The following OXR1 variants were observed in gnomAD, a reference collection of about 807,000 sequenced individuals.
OXR1 encodes oxidation resistance protein 1.
OXR1 carries 41 observed loss-of-function variants against 104.6 expected under a neutral mutation model. The ratio of observed to expected loss-of-function variants is 0.39; its 90% CI spans 0.31 to 0.51. OXR1 has a LOEUF of 0.51. Ranked by LOEUF, OXR1 falls within the 20% of genes least tolerant of loss-of-function variation. The pLI, the probability that OXR1 is intolerant of heterozygous loss-of-function variation, is 0.77. For synonymous variants in OXR1, 348 were observed against 348.4 expected, an observed-to-expected ratio of 1.00 and a Z score of 0.01; for missense variants, 955 against 1,031.9, an observed-to-expected ratio of 0.93 and a Z score of 1.02.
chr8:106,571,463 T>C (rs370898870), intron 3 of OXR1, among the ~76,000 whole-genome samples: 1 of 152,146 alleles, frequency 6.6e-6, no homozygotes, highest in East Asian at 1.9e-4. Flanking sequence ...GATTCCTTCC[T>C]TAAATACCAT....
At chr8:106,741,396 A>G (rs566727519) in intron 14 of OXR1, among the ~76,000 whole-genome samples, 1 of 152,256 alleles carries the variant, frequency 6.6e-6, no homozygotes, top group African/African-American at 2.4e-5. Flanking sequence ...AAGCACAAAG[A>G]GAGCTTCTAG....
chr8:106,649,886 C>T (rs1159118329), intron 3 of OXR1, among the ~76,000 whole-genome samples: 3 of 152,068 alleles, frequency 2.0e-5, no homozygotes, highest in Admixed American at 6.5e-5. Flanking sequence ...TTAGTAGAGA[C>T]AGGGTTTCAC....
chr8:106,340,593 T>G (rs1815202229), intron 1 of OXR1, among the ~76,000 whole-genome samples: 1 of 152,180 alleles, frequency 6.6e-6, no homozygotes, highest in Non-Finnish European at 1.5e-5. Context: ...TAATATTATA[T>G]ATCCCTGTTA....
intron 2 of OXR1, among the ~76,000 whole-genome samples, chr8:106,505,564 G>T (rs905158770): frequency 3.3e-5 from 5 of 152,146 alleles, no homozygotes; most frequent in African/African-American, 1.2e-4. Context: ...GTAACCTGGG[G>T]TGAAGTGGGA....
At chr8:106,469,034 TTGTGTG>T (rs201426595) in intron 2 of OXR1, among the ~76,000 whole-genome samples, 1 of 130,030 alleles carries the variant, frequency 7.7e-6, no homozygotes, top group East Asian at 2.6e-4. Context: ...GTTGTTGTTG[TTGTGTG>T]TGTGTGTAGT....
intron 3 of OXR1, among the ~76,000 whole-genome samples, chr8:106,576,135 C>T (rs187175442): frequency 1.3e-5 from 2 of 151,884 alleles, no homozygotes; most frequent in Admixed American, 6.6e-5. Context: ...ATTATTTTTA[C>T]AAGAACTTTT....
intron 1 of OXR1, among the ~76,000 whole-genome samples, chr8:106,316,233 T>A (rs2130156477): frequency 6.6e-6 from 1 of 152,318 alleles, no homozygotes; most frequent in Admixed American, 6.5e-5. Flanking sequence ...AGGGTACACT[T>A]CAAAAATACA....
intron 3 of OXR1, among the ~76,000 whole-genome samples, chr8:106,631,071 C>T (rs1356282708): frequency 6.6e-6 from 1 of 151,932 alleles, no homozygotes; most frequent in East Asian, 1.9e-4. Context: ...TAAGAAAGAC[C>T]AACAATATGT....
intron 1 of OXR1, among the ~76,000 whole-genome samples, chr8:106,344,423 C>T (rs113122380): frequency 8.1e-4 from 124 of 152,256 alleles, no homozygotes; most frequent in African/African-American, 2.8e-3. Flanking sequence ...CTGCAACCTC[C>T]GCCTCCCATG....
At chr8:106,613,583 G>A (rs574275726) in intron 3 of OXR1, among the ~76,000 whole-genome samples, 3 of 152,290 alleles carry the variant, frequency 2.0e-5, no homozygotes, top group Non-Finnish European at 4.4e-5. Context: ...ATTTTTAGTA[G>A]AGACAGAGTT....
chr8:106,697,984 A>G, intron 7 of OXR1: 1 of 1,613,056 alleles, frequency 6.2e-7, no homozygotes, highest in South Asian at 1.1e-5. Flanking sequence ...CTCCTGGCTC[A>G]GGCCATAATG....
chr8:106,710,300 A>ATG (rs1046464145), intron 9 of OXR1, among the ~76,000 whole-genome samples: 3 of 147,966 alleles, frequency 2.0e-5, no homozygotes, highest in African/African-American at 4.9e-5. Context: ...TATATATATT[A>ATG]TGTGTGTGTA....
intron 3 of OXR1, among the ~76,000 whole-genome samples, chr8:106,638,054 C>T (rs181093994): frequency 1.7e-4 from 26 of 152,190 alleles, no homozygotes; most frequent in African/African-American, 5.1e-4. Flanking sequence ...CGTGAGCCAC[C>T]GTGCCTGGCC....
At chr8:106,325,692 C>T (rs923918496) in intron 1 of OXR1, among the ~76,000 whole-genome samples, 1 of 152,106 alleles carries the variant, frequency 6.6e-6, no homozygotes, top group Non-Finnish European at 1.5e-5. Flanking sequence ...CATTTATTTA[C>T]TTGATTTATA....
intron 3 of OXR1, among the ~76,000 whole-genome samples, chr8:106,627,894 G>A (rs183427417): frequency 2.0e-3 from 301 of 152,264 alleles, no homozygotes; most frequent in African/African-American, 6.8e-3. Context: ...CCCTTCTGCA[G>A]GTCTGTATGA....
intron 3 of OXR1, among the ~76,000 whole-genome samples, chr8:106,672,498 AAG>A (rs937048709): frequency 4.6e-5 from 5 of 109,048 alleles, no homozygotes; most frequent in East Asian, 2.5e-4. Flanking sequence ...GAAAGAAAGA[AAG>A]AGAGAGAAAG....
chr8:106,694,307 G>A (rs1016866867), intron 7 of OXR1, among the ~76,000 whole-genome samples: 5 of 149,492 alleles, frequency 3.3e-5, no homozygotes, highest in African/African-American at 1.2e-4. Flanking sequence ...GTCAGTTGTT[G>A]ATAGAAGAAT....
intron 11 of OXR1, among the ~76,000 whole-genome samples, chr8:106,722,867 G>C (rs1238606701): frequency 1.3e-5 from 2 of 152,054 alleles, no homozygotes; most frequent in Non-Finnish European, 2.9e-5. Flanking sequence ...GAAACTTTTA[G>C]ACTGTTTATG....
chr8:106,364,730 A>G (rs1481628922), intron 2 of OXR1, among the ~76,000 whole-genome samples: 1 of 152,228 alleles, frequency 6.6e-6, no homozygotes, highest in Non-Finnish European at 1.5e-5. Context: ...CTTCTTATTT[A>G]ATGAATAAAT....
Sources: gnomAD v4.1 joint callset for allele counts (sites outside exome capture counted in the v4.1 genomes callset) on GRCh38, gnomAD v4.1.1 for gene constraint, MANE v1.5 for transcripts, NCBI Gene and HGNC (gene_info 2026-07-23, HGNC 2026-07-21) for gene names.